THSD4: variants seen among roughly 807,000 people sequenced by gnomAD.
The protein encoded by THSD4 is thrombospondin type-1 domain-containing protein 4.
THSD4 carries 69 observed loss-of-function variants against 119.0 expected under a neutral mutation model. The observed-to-expected ratio is 0.58, with a 90% CI of 0.48 to 0.71. The LOEUF (loss-of-function observed/expected upper bound fraction) is 0.71. THSD4 is among the 30% of genes least tolerant of loss of function. The pLI is 0.00. For missense variants in THSD4, 1,393 were observed against 1,391.1 expected (o/e 1.00, Z -0.02); for synonymous variants, 524 against 540.4 (o/e 0.97, Z 0.42).
chr15:71,758,445 C>T (rs1222795946), intron 15 of THSD4, among the ~76,000 whole-genome samples: 1 of 152,146 alleles, frequency 6.6e-6, no homozygotes, highest in East Asian at 1.9e-4. Context: ...AGCACAGTGC[C>T]TGACACAAAA....
At chr15:71,452,303 C>A (rs563320372) in intron 7 of THSD4, among the ~76,000 whole-genome samples, 1 of 152,164 alleles carries the variant, frequency 6.6e-6, no homozygotes, top group South Asian at 2.1e-4. Context: ...GAAGGAGGAC[C>A]CAAGTCCCTG....
chr15:71,286,032 A>G (rs1429767197), intron 6 of THSD4, among the ~76,000 whole-genome samples: 1 of 152,102 alleles, frequency 6.6e-6, no homozygotes, highest in African/African-American at 2.4e-5. Flanking sequence ...CCACAGTGAT[A>G]AACACTTTAT....
chr15:71,317,660 CT>C (rs917872699), intron 6 of THSD4, among the ~76,000 whole-genome samples: 12 of 152,082 alleles, frequency 7.9e-5, no homozygotes, highest in African/African-American at 2.9e-4. Context: ...AAAATGTACC[CT>C]TTGGGAAGTT....
intron 7 of THSD4, among the ~76,000 whole-genome samples, chr15:71,607,433 C>G (rs2050129490): frequency 6.6e-6 from 1 of 152,170 alleles, no homozygotes; most frequent in Non-Finnish European, 1.5e-5. Context: ...TGCCAAGGCC[C>G]AAGTATCATG....
chr15:71,423,680 G>C (rs1210095620), intron 7 of THSD4, among the ~76,000 whole-genome samples: 2 of 152,182 alleles, frequency 1.3e-5, no homozygotes, highest in African/African-American at 4.8e-5. Context: ...GACCAACCTG[G>C]CTGGTGTCTC....
At chr15:71,537,161 T>C (rs906939746) in intron 7 of THSD4, among the ~76,000 whole-genome samples, 1 of 152,224 alleles carries the variant, frequency 6.6e-6, no homozygotes, top group Non-Finnish European at 1.5e-5. Flanking sequence ...TTTGAAATCA[T>C]TCACTTCTTT....
chr15:71,158,328 T>G (rs2043220180), intron 3 of THSD4, among the ~76,000 whole-genome samples: 1 of 152,006 alleles, frequency 6.6e-6, no homozygotes, highest in Admixed American at 6.6e-5. Context: ...TAATTTTGTA[T>G]TTTTAGTAGA....
At chr15:71,193,403 C>T (rs16955258) in intron 3 of THSD4, among the ~76,000 whole-genome samples, 1 of 151,956 alleles carries the variant, frequency 6.6e-6, no homozygotes, top group Non-Finnish European at 1.5e-5. Context: ...TGAGATATGA[C>T]GCACAGGGAA....
At chr15:71,578,190 A>G (rs1207882918) in intron 7 of THSD4, among the ~76,000 whole-genome samples, 1 of 149,418 alleles carries the variant, frequency 6.7e-6, no homozygotes, top group Non-Finnish European at 1.5e-5. Context: ...ATGAATATAT[A>G]TACACACAAT....
chr15:71,582,466 C>G (rs1347322550), intron 7 of THSD4, among the ~76,000 whole-genome samples: 2 of 151,898 alleles, frequency 1.3e-5, no homozygotes, highest in Admixed American at 6.6e-5. Flanking sequence ...AATTTGGATG[C>G]CTTTTATTTC....
At chr15:71,332,563 C>T (rs193089057) in intron 6 of THSD4, among the ~76,000 whole-genome samples, 2 of 152,242 alleles carry the variant, frequency 1.3e-5, no homozygotes, top group Non-Finnish European at 2.9e-5. Flanking sequence ...AAGTCAGGTA[C>T]CCAAGGTCAC....
intron 8 of THSD4, among the ~76,000 whole-genome samples, chr15:71,726,258 G>T (rs114695717): frequency 0.016 from 2,463 of 152,338 alleles, 66 homozygotes; most frequent in African/African-American, 0.057. Flanking sequence ...GCCCAGTGTG[G>T]AGTCTGCAGG....
intron 7 of THSD4, among the ~76,000 whole-genome samples, chr15:71,441,672 C>T (rs1427728372): frequency 1.3e-5 from 2 of 151,820 alleles, no homozygotes; most frequent in African/African-American, 4.8e-5. Flanking sequence ...GCATTACAGG[C>T]GTGAGCCACC....
intron 7 of THSD4, among the ~76,000 whole-genome samples, chr15:71,508,417 T>C (rs1460099099): frequency 6.6e-6 from 1 of 152,200 alleles, no homozygotes; most frequent in Non-Finnish European, 1.5e-5. Flanking sequence ...GTTCAGATGG[T>C]CATGGTTACC....
At chr15:71,579,821 G>T (rs558737906) in intron 7 of THSD4, among the ~76,000 whole-genome samples, 164 of 152,208 alleles carry the variant, frequency 1.1e-3, no homozygotes, top group African/African-American at 3.7e-3. Flanking sequence ...GACCAAACCT[G>T]CCCAACTCTA....
chr15:71,661,929 C>T (rs62024299), intron 8 of THSD4, among the ~76,000 whole-genome samples: 41,791 of 152,030 alleles, frequency 0.27, 6,436 homozygotes, highest in East Asian at 0.69. Flanking sequence ...CCCATCCCCA[C>T]TTTACATGTA....
intron 6 of THSD4, among the ~76,000 whole-genome samples, chr15:71,279,414 TATAA>T (rs1185925540): frequency 1.3e-5 from 2 of 152,226 alleles, no homozygotes; most frequent in African/African-American, 2.4e-5. Context: ...TTGGAGGTTG[TATAA>T]ATAGTGTTAG....
In THSD4 at chr15:71,154,770, C is replaced by G. The variant is rs535586523; in HGVS notation, c.30-93C>G. 3.4e-4 allele frequency: 432 copies of G among 1,285,864 alleles called. 1 individual carries two copies. Among genetic ancestry groups the G allele is most frequent in the Non-Finnish European group, 4.5e-4 (400 of 885,706 alleles). 79.7% of individuals were successfully genotyped at this position (1,285,864 alleles called of 1,614,324 possible). ...GGGCCTGGGTTGGGCTGTTCCCCCC[C>G]CATCCACTGATGAGATGGCGATGCT... On this transcript the variant is annotated intron_variant, in intron 2 of 17. Transcript: ENST00000261862.
intron 7 of THSD4, among the ~76,000 whole-genome samples, chr15:71,446,451 A>G (rs2047182287): frequency 6.6e-6 from 1 of 152,182 alleles, no homozygotes; most frequent in South Asian, 2.1e-4. Flanking sequence ...GTTTTATCAC[A>G]CTACTATCTT....
Sources: allele counts gnomAD v4.1 joint callset (sites outside exome capture counted in the v4.1 genomes callset), GRCh38; gene constraint gnomAD v4.1.1; transcripts MANE v1.5; gene names NCBI Gene and HGNC (gene_info 2026-07-23, HGNC 2026-07-21).